The following P2RX1 variants were observed in gnomAD, a reference collection of about 807,000 sequenced individuals.
P2RX1 encodes P2X purinoceptor 1.
P2RX1 carries 42 observed loss-of-function variants against 50.3 expected under a neutral mutation model. The observed-to-expected ratio is 0.83, with a 90% CI of 0.65 to 1.08. P2RX1 has a LOEUF of 1.08. Among genes scored for constraint, P2RX1 ranks in the 50% least tolerant of loss-of-function variants. P2RX1 has a pLI of 0.00. For synonymous variants in P2RX1, 199 were observed against 202.6 expected, an observed-to-expected ratio of 0.98 and a Z score of 0.15; for missense variants, 449 against 529.0, an observed-to-expected ratio of 0.85 and a Z score of 1.48.
chr17:3,903,788 C>T lies in P2RX1; in HGVS notation c.524+140G>A. On this transcript the variant is annotated intron_variant, in intron 5 of 11. Transcript: ENST00000225538. This position sits in a 1 kb window ranked among gnomAD's most constrained non-coding sequence, Gnocchi z 4.6. ...GGTGTGCTCTAGCGTGGCCAGGACC[C>T]AGGGGAATCTTCAGCCTAGGTTGCG... 1 of 1,096,108 alleles carries T rather than the reference C, an allele frequency of 9.1e-7. No individual in the cohort carries two copies. Among genetic ancestry groups the T allele is most frequent in the Non-Finnish European group, 1.4e-6 (1 of 724,502 alleles). 67.9% of individuals were successfully genotyped at this position (1,096,108 alleles called of 1,614,324 possible). A position where few individuals can be genotyped will look rare whatever the true frequency, so the allele number is the denominator to read the frequency against.
In P2RX1 at chr17:3,916,138, C is replaced by T. The variant is rs768637628; in HGVS notation, c.88G>A (p.Gly30Ser). The T allele has an allele frequency of 5.6e-6, 9 of 1,613,562 alleles. No individual in the cohort carries two copies. The African/African-American group carries it at 1.1e-4, about 19-fold the overall frequency. Residue 30 changes from glycine (G) to serine (S), a missense_variant, in exon 1 of 12, where the codon GGC becomes AGC. Physicochemically the swap from Gly to Ser is moderately conservative, Grantham distance 56 (BLOSUM62 0). Transcript: ENST00000225538. ...RMVLVRNKKV[G>S]VIFRLIQLVV... ...AGCTGGATCAGTCGGAAGATAACGCCCACCTTCTTATTACGCACCAGCACC... is the reference window on the plus strand; with the variant it reads ...AGCTGGATCAGTCGGAAGATAACGCTCACCTTCTTATTACGCACCAGCACC...
intron 7 of P2RX1, among the ~76,000 whole-genome samples, chr17:3,902,859 T>G (rs1187388327): frequency 6.6e-6 from 1 of 151,622 alleles, no homozygotes; most frequent in African/African-American, 2.4e-5. Flanking sequence ...TCCACCCGCC[T>G]CTGACTCCCA....
chr17:3,905,886 T>C (rs1015225464), intron 1 of P2RX1, among the ~76,000 whole-genome samples: 1 of 149,966 alleles, frequency 6.7e-6, no homozygotes, highest in African/African-American at 2.5e-5. Flanking sequence ...AAGAAACTGC[T>C]AATTCAAATA....
At chr17:3,898,258 G>A in intron 10 of P2RX1, 148 bp from the exon 11 acceptor site, 1 of 793,796 alleles carries the variant, frequency 1.3e-6, no homozygotes, top group Admixed American at 2.0e-5. Flanking sequence ...ATGAGGCCCT[G>A]CAGGACTCTC....
chr17:3,915,559 GC>G (rs1330468257), intron 1 of P2RX1: 1 of 456,726 alleles, frequency 2.2e-6, no homozygotes, highest in Non-Finnish European at 4.4e-6. Context: ...CGCCTGACAT[GC>G]CAACATGAAG....
rs1352663871 is a variant in P2RX1 at position 3,903,187 on chromosome 17, C to T, written c.747+15G>A. On this transcript the variant is annotated intron_variant, in intron 7 of 11. Transcript: ENST00000225538. The surrounding 1 kb of genome is among the most constrained non-coding windows in gnomAD (Gnocchi z 4.6). Reference sequence around the variant, plus strand: ...GGCCCAGCCCTCCCCACGTGCCTGGCACCATGCTCCATACCTTCTCAGCCA... The same window carrying T: ...GGCCCAGCCCTCCCCACGTGCCTGGTACCATGCTCCATACCTTCTCAGCCA... 1 of 1,614,012 alleles carries T rather than the reference C, an allele frequency of 6.2e-7. No homozygotes were observed. The highest frequency in any genetic ancestry group is 1.1e-5 in the South Asian group (1 of 91,090).
At chr17:3,909,544 TTCAA>T (rs1327667033) in intron 1 of P2RX1, among the ~76,000 whole-genome samples, 1 of 152,132 alleles carries the variant, frequency 6.6e-6, no homozygotes, top group East Asian at 1.9e-4. Flanking sequence ...ATTCCACACA[TTCAA>T]TCATTCAACA....
rs2056030670 is a variant in P2RX1, at chr17:3,896,803, C to T, written c.*1011G>A. 1 of 152,266 alleles carries T rather than the reference C, an allele frequency of 6.6e-6. No individual in the cohort carries two copies. The highest frequency in any genetic ancestry group is 6.5e-5 in the Admixed American group (1 of 15,278). The allele number at this position is 152,266 out of a possible 1,614,324, so 9.4% of individuals were successfully genotyped here. On this transcript the variant is annotated 3_prime_UTR_variant, in exon 12 of 12. Coordinates refer to ENST00000225538, the MANE Select transcript of P2RX1 (RefSeq NM_002558.4). ...TGGCACACTTGGAGAGAAGCCTTTC[C>T]CTATGGAGGTGACATGGCACGGACC...
Position 3,904,849 on chromosome 17 carries a change from A to T in P2RX1, c.357+9T>A. On this transcript the variant is annotated intron_variant, in intron 3 of 11. Transcript: ENST00000225538. ...TCCCAGAAGGGGGCTGGCGGGCAGA[A>T]GTCCTCACCTCTGCGCAGTAGCCTT... 6.3e-7 allele frequency: 1 copy of T among 1,585,554 alleles called. No homozygotes were observed. The highest frequency in any genetic ancestry group is 8.6e-7 in the Non-Finnish European group (1 of 1,165,512).
chr17:3,901,394 G>A (rs1240387441), intron 7 of P2RX1, among the ~76,000 whole-genome samples: 1 of 152,174 alleles, frequency 6.6e-6, no homozygotes, highest in Non-Finnish European at 1.5e-5. Flanking sequence ...TTTAGGAACA[G>A]GGAGGTCTAA....
chr17:3,909,229 G>A (rs137935965), intron 1 of P2RX1, among the ~76,000 whole-genome samples: 62 of 151,782 alleles, frequency 4.1e-4, no homozygotes, highest in Non-Finnish European at 6.8e-4. Context: ...AGAGGGTTTC[G>A]CCATGTTGGT....
At chr17:3,911,291 T>TTTC (rs1567657854) in intron 1 of P2RX1, among the ~76,000 whole-genome samples, 1 of 151,140 alleles carries the variant, frequency 6.6e-6, no homozygotes, top group Non-Finnish European at 1.5e-5. Context: ...CCCGGTCTGT[T>TTTC]TTTCTTTCTT....
chr17:3,899,793 A>T (rs1283765192), intron 7 of P2RX1, 32 bp from the exon 8 acceptor site: 1 of 1,610,970 alleles, frequency 6.2e-7, no homozygotes, highest in African/African-American at 1.3e-5. Context: ...AAGATCTGGG[A>T]TTTCAGGATC....
At chr17:3,910,852 G>A (rs1227079637) in intron 1 of P2RX1, among the ~76,000 whole-genome samples, 1 of 152,236 alleles carries the variant, frequency 6.6e-6, no homozygotes, top group Non-Finnish European at 1.5e-5. Context: ...GTTCACTTCT[G>A]TATTTTTAGT....
chr17:3,912,818 T>A (rs2056387968), intron 1 of P2RX1, among the ~76,000 whole-genome samples: 1 of 152,172 alleles, frequency 6.6e-6, no homozygotes, highest in Non-Finnish European at 1.5e-5. Context: ...CCCCCAATAA[T>A]TTCTATCCAT....
intron 3 of P2RX1, 60 bp from the exon 4 acceptor site, chr17:3,904,459 C>G: frequency 6.9e-7 from 1 of 1,447,574 alleles, no homozygotes; most frequent in Non-Finnish European, 9.6e-7. Flanking sequence ...AGAAGAGCCC[C>G]TCTCCCCACC....
At chr17:3,905,002 G>T in intron 2 of P2RX1, 73 bp from the exon 3 acceptor site, 1 of 1,241,974 alleles carries the variant, frequency 8.1e-7, no homozygotes, top group Non-Finnish European at 1.1e-6. Flanking sequence ...CCCCACCGCT[G>T]CCCCAGCAGA....
chr17:3,901,352 C>G (rs142451906), intron 7 of P2RX1, among the ~76,000 whole-genome samples: 1 of 152,222 alleles, frequency 6.6e-6, no homozygotes, highest in Non-Finnish European at 1.5e-5. Flanking sequence ...CAGGCGTGAG[C>G]CACCGCACCC....
chr17:3,898,187 C>G, intron 10 of P2RX1, 77 bp from the exon 11 acceptor site: 1 of 1,272,282 alleles, frequency 7.9e-7, no homozygotes, highest in Non-Finnish European at 1.1e-6. Flanking sequence ...CCACCTCAGT[C>G]CCTGGTGGTG....
Sources: gnomAD v4.1 joint callset for allele counts (sites outside exome capture counted in the v4.1 genomes callset) on GRCh38, gnomAD v4.1.1 for gene constraint, Gnocchi (gnomAD v3.1) non-coding constraint, MANE v1.5 for transcripts, NCBI Gene and HGNC (gene_info 2026-07-23, HGNC 2026-07-21) for gene names.